The following FHIT variants were observed in gnomAD, a reference collection of about 807,000 sequenced individuals.
FHIT encodes the protein bis(5'-adenosyl)-triphosphatase.
In FHIT, 19 loss-of-function variants were observed where a neutral mutation model predicts 17.9. The ratio of observed to expected loss-of-function variants is 1.06; its 90% CI spans 0.74 to 1.56. The LOEUF is 1.56. FHIT is among the 40% of genes most tolerant of loss of function. FHIT has a pLI of 0.00. For missense variants in FHIT, 248 were observed against 189.2 expected (o/e 1.31, Z -1.82); for synonymous variants, 81 against 69.7 (o/e 1.16, Z -0.81).
At chr3:60,475,665 G>T (rs182685883) in intron 5 of FHIT, among the ~76,000 whole-genome samples, 58 of 152,272 alleles carry the variant, frequency 3.8e-4, no homozygotes, top group African/African-American at 1.3e-3. Context: ...CAGCCAACTT[G>T]CTCAAACCTC....
chr3:60,761,553 G>A (rs1699657257), intron 4 of FHIT, among the ~76,000 whole-genome samples: 1 of 146,774 alleles, frequency 6.8e-6, no homozygotes, highest in South Asian at 2.2e-4. Flanking sequence ...TTTGAAAAAA[G>A]AACAAAATCA....
intron 2 of FHIT, among the ~76,000 whole-genome samples, chr3:61,145,584 G>A (rs2037204998): frequency 6.6e-6 from 1 of 151,826 alleles, no homozygotes; most frequent in Non-Finnish European, 1.5e-5. Context: ...ATTTTTAAAG[G>A]GATTCCATTA....
intron 3 of FHIT, among the ~76,000 whole-genome samples, chr3:60,902,020 G>C (rs1054639683): frequency 6.6e-6 from 1 of 151,994 alleles, no homozygotes; most frequent in African/African-American, 2.4e-5. Context: ...GTTTATGGAG[G>C]TATAATTTAA....
intron 1 of FHIT, among the ~76,000 whole-genome samples, chr3:61,217,001 G>A (rs1274563298): frequency 6.7e-6 from 1 of 150,264 alleles, no homozygotes; most frequent in East Asian, 2.0e-4. Context: ...TTGTGGGGTA[G>A]GGGGAGGGGG....
chr3:60,730,224 T>C, intron 4 of FHIT: 1 of 298,452 alleles, frequency 3.4e-6, no homozygotes, highest in South Asian at 3.8e-5. Context: ...CTTTGTGCTG[T>C]ACAGCTGTCA....
intron 4 of FHIT, among the ~76,000 whole-genome samples, chr3:60,715,013 C>A (rs1481713535): frequency 6.6e-6 from 1 of 152,206 alleles, no homozygotes; most frequent in African/African-American, 2.4e-5. Flanking sequence ...TTGGAGGCAT[C>A]ATGCTACCTG....
chr3:60,161,564 C>G (rs1318452342), intron 5 of FHIT, among the ~76,000 whole-genome samples: 1 of 152,136 alleles, frequency 6.6e-6, no homozygotes, highest in Non-Finnish European at 1.5e-5. Context: ...GGCATGATTC[C>G]TCCTGGAAGA....
At chr3:60,883,163 G>A in intron 3 of FHIT, among the ~76,000 whole-genome samples, 1 of 151,890 alleles carries the variant, frequency 6.6e-6, no homozygotes, top group Admixed American at 6.6e-5. Context: ...TCTAACCAAG[G>A]AAGCAAAAGA....
At chr3:60,098,103 T>C (rs537256525) in intron 5 of FHIT, among the ~76,000 whole-genome samples, 35 of 149,646 alleles carry the variant, frequency 2.3e-4, no homozygotes, top group Non-Finnish European at 4.6e-4. Context: ...GTTTTCTTAA[T>C]CCAGTCTATC....
intron 2 of FHIT, among the ~76,000 whole-genome samples, chr3:61,118,232 G>A (rs1184191371): frequency 2.6e-5 from 4 of 152,146 alleles, no homozygotes; most frequent in African/African-American, 9.7e-5. Context: ...CTATCTTCAC[G>A]TGCCTTTCAC....
chr3:59,903,417 G>C (rs1704427683), intron 8 of FHIT, among the ~76,000 whole-genome samples: 1 of 151,982 alleles, frequency 6.6e-6, no homozygotes, highest in African/African-American at 2.4e-5. Flanking sequence ...ATTTTAAATG[G>C]GTGAACTGTA....
At chr3:61,217,195 C>T (rs187216678) in intron 1 of FHIT, among the ~76,000 whole-genome samples, 68 of 152,176 alleles carry the variant, frequency 4.5e-4, no homozygotes, top group Non-Finnish European at 5.9e-4. Context: ...TTATCTCTCA[C>T]GGTTTCTACG....
intron 4 of FHIT, among the ~76,000 whole-genome samples, chr3:60,592,390 A>T (rs2038116882): frequency 6.6e-6 from 1 of 152,030 alleles, no homozygotes; most frequent in Admixed American, 6.6e-5. Context: ...ACCTATCTGC[A>T]ACAGACAAAA....
At chr3:59,753,454 C>T (rs1157892471) in intron 8 of FHIT, among the ~76,000 whole-genome samples, 4 of 152,098 alleles carry the variant, frequency 2.6e-5, no homozygotes, top group African/African-American at 9.7e-5. Flanking sequence ...GAACTCTCTT[C>T]CTTAGAAATG....
intron 7 of FHIT, among the ~76,000 whole-genome samples, chr3:59,991,184 T>C (rs1454551253): frequency 1.3e-5 from 2 of 152,086 alleles, no homozygotes; most frequent in African/African-American, 2.4e-5. Flanking sequence ...GCTCAGTGAA[T>C]AATGAATGGA....
chr3:60,465,218 T>C (rs1249936878), intron 5 of FHIT, among the ~76,000 whole-genome samples: 2 of 151,774 alleles, frequency 1.3e-5, no homozygotes, highest in East Asian at 3.8e-4. Context: ...AATCAGATTA[T>C]TAGATTTTTT....
intron 5 of FHIT, among the ~76,000 whole-genome samples, chr3:60,402,345 C>T (rs914187243): frequency 6.6e-6 from 1 of 152,190 alleles, no homozygotes. Context: ...TAAATTCCAA[C>T]ATCAACAGTC....
intron 2 of FHIT, among the ~76,000 whole-genome samples, chr3:61,104,775 C>G (rs2035941740): frequency 6.6e-6 from 1 of 152,084 alleles, no homozygotes; most frequent in Non-Finnish European, 1.5e-5. Flanking sequence ...CTTTCTCATT[C>G]TTTTTTCTCT....
intron 8 of FHIT, among the ~76,000 whole-genome samples, chr3:59,797,275 C>T (rs1297180306): frequency 2.0e-5 from 3 of 151,952 alleles, no homozygotes; most frequent in Non-Finnish European, 2.9e-5. Context: ...TAACCTCCGC[C>T]TCCTGGGTTC....
Sources: gnomAD v4.1 joint callset for allele counts (sites outside exome capture counted in the v4.1 genomes callset) on GRCh38, gnomAD v4.1.1 for gene constraint, MANE v1.5 for transcripts, NCBI Gene and HGNC (gene_info 2026-07-23, HGNC 2026-07-21) for gene names.